IFT88: variants seen among roughly 807,000 people sequenced by gnomAD.
The protein encoded by IFT88 is intraflagellar transport protein 88 homolog.
IFT88 carries 74 observed loss-of-function variants against 119.5 expected under a neutral mutation model. That is an observed-to-expected ratio of 0.62 (90% CI 0.51 to 0.75). The LOEUF (loss-of-function observed/expected upper bound fraction) is 0.75, where lower values mean the gene tolerates loss of function less well. IFT88 is among the 30% of genes least tolerant of loss of function. The probability of loss-of-function intolerance (pLI) is 0.00; values close to 1 mark genes in which losing one functional copy is unlikely to be tolerated. For synonymous variants in IFT88, 279 were observed against 316.7 expected, an observed-to-expected ratio of 0.88 and a Z score of 1.26; for missense variants, 961 against 977.7, an observed-to-expected ratio of 0.98 and a Z score of 0.23.
At chr13:20,640,050 A>G (rs2049638499) in intron 17 of IFT88, among the ~76,000 whole-genome samples, 1 of 151,898 alleles carries the variant, frequency 6.6e-6, no homozygotes, top group South Asian at 2.1e-4. Flanking sequence ...TCAGCCTCCC[A>G]AAGTGATGGG....
chr13:20,567,758 A>G, intron 1 of IFT88: 1 of 1,340,256 alleles, frequency 7.5e-7, no homozygotes, highest in Non-Finnish European at 9.6e-7. Flanking sequence ...TTAGCCTCAC[A>G]AAGATGGAAA....
rs770062711 is a variant in IFT88, at chr13:20,596,203, A to G, written c.452A>G (p.Glu151Gly). 6.4e-7 allele frequency: 1 copy of G among 1,563,816 alleles called. No homozygotes were observed. Among genetic ancestry groups the G allele is most frequent in the South Asian group, 1.2e-5 (1 of 84,630 alleles). The change falls in exon 8 of 26, where the codon GAA becomes GGA. Residue 151 changes from glutamate (E) to glycine (G), a missense_variant. Physicochemically the swap from Glu to Gly is moderately conservative, Grantham distance 98 (BLOSUM62 -2). Coordinates refer to ENST00000351808, the MANE Select transcript of IFT88 (RefSeq NM_006531.5). ...LEKEVNELVE[E>G]SCIANSCGDL... ...AAGGAAGTAAATGAGTTGGTAGAAG[A>G]AAGCTGTATTGCCAATAGTTGTGGA...
chr13:20,623,399 T>C (rs2046826714), intron 14 of IFT88, among the ~76,000 whole-genome samples: 1 of 152,202 alleles, frequency 6.6e-6, no homozygotes, highest in South Asian at 2.1e-4. Flanking sequence ...TAGATTGCTT[T>C]GAGTAGTATT....
rs200057791 is a variant in IFT88, at chr13:20,578,643, G to A, written c.90+4168G>A. Among the ~76,000 whole-genome samples, 23 of 151,700 alleles carry A rather than the reference G, an allele frequency of 1.5e-4. No individual in the cohort carries two copies. The East Asian group carries it at 2.6e-3, about 17-fold the overall frequency. ...CAGCTCACTGCAACCTCTGCTTCCT[G>A]GGTTCAAGTGATTCTCCTGCCTCAG... On this transcript the variant is annotated intron_variant, in intron 2 of 25. Transcript: ENST00000351808.
chr13:20,592,434 G>C lies in IFT88; in HGVS notation c.398+30G>C, dbSNP rs1198493335. The C allele has an allele frequency of 2.0e-6, 3 of 1,493,604 alleles. No homozygotes were observed. The East Asian group carries it at 6.9e-5, about 34-fold the overall frequency. The allele number at this position is 1,493,604 out of a possible 1,614,324, so 92.5% of individuals were successfully genotyped here. ...GTAAGTCCTTATGTTGTTGTTTGTT[G>C]TTGTTGCTGCATATTTTAAATTTTT... On this transcript the variant is annotated intron_variant, in intron 7 of 25. Transcript: ENST00000351808.
chr13:20,614,157 A>G (rs1248915993), intron 13 of IFT88, among the ~76,000 whole-genome samples: 1 of 152,202 alleles, frequency 6.6e-6, no homozygotes, highest in Non-Finnish European at 1.5e-5. Flanking sequence ...TGTTTTTAAA[A>G]TTACACGCCA....
chr13:20,665,203 A>G (rs1028622973), intron 23 of IFT88, among the ~76,000 whole-genome samples: 9 of 152,194 alleles, frequency 5.9e-5, no homozygotes, highest in African/African-American at 1.7e-4. Flanking sequence ...CTGTTTCAAT[A>G]TTTGCCAGTT....
chr13:20,591,692 C>G lies in IFT88; in HGVS notation c.328+11C>G, dbSNP rs1238009911. ...AAGCAGCTTTGAGAGGTTTGTTACA[C>G]TGTCTCTACTAATAATCTTTTTTGG... On this transcript the variant is annotated intron_variant, in intron 6 of 25. Transcript: ENST00000351808. 1.9e-6 allele frequency: 3 copies of G among 1,569,656 alleles called. No homozygotes were observed. In the Admixed American group the frequency reaches 5.1e-5, roughly 27 times the overall value.
intron 2 of IFT88, among the ~76,000 whole-genome samples, chr13:20,582,621 A>G (rs1421880191): frequency 2.0e-5 from 3 of 152,114 alleles, no homozygotes; most frequent in Admixed American, 6.6e-5. Context: ...TAAATCTCCA[A>G]TTCCAAGCCA....
At chr13:20,676,007 G>A (rs572140065) in intron 24 of IFT88, among the ~76,000 whole-genome samples, 1 of 152,148 alleles carries the variant, frequency 6.6e-6, no homozygotes, top group Admixed American at 6.5e-5. Context: ...TTTCATCCTG[G>A]TATACAGCTT....
chr13:20,582,166 C>G, intron 2 of IFT88, among the ~76,000 whole-genome samples: 1 of 151,910 alleles, frequency 6.6e-6, no homozygotes, highest in Admixed American at 6.6e-5. Context: ...GTAGGAAATA[C>G]GGGATGGTTG....
chr13:20,596,423 T>C (rs2041651538), intron 8 of IFT88, among the ~76,000 whole-genome samples, 183 bp downstream of exon 8: 1 of 152,168 alleles, frequency 6.6e-6, no homozygotes, highest in Admixed American at 6.5e-5. Context: ...TCAGAATAAT[T>C]GGCTGGTTTT....
chr13:20,690,602 A>G (rs778871898), intron 24 of IFT88, 103 bp from the exon 25 acceptor site: 7 of 732,814 alleles, frequency 9.6e-6, no homozygotes, highest in African/African-American at 3.5e-5. Context: ...AAATTAAACA[A>G]CCTGCTTGTT....
Position 20,628,695 on chromosome 13 carries a change from A to G in IFT88, c.1300-2321A>G, listed in dbSNP as rs576652461. 2.0e-5 allele frequency among the ~76,000 whole-genome samples: 3 copies of G among 152,288 alleles called. No homozygotes were observed. The South Asian group carries it at 6.2e-4, about 32-fold the overall frequency. ...TAATTATGTAGCCTTTTTAGAATAG[A>G]TCATAGTTTAGAAACGTATAATATG... On this transcript the variant is annotated intron_variant, in intron 15 of 25. Coordinates refer to ENST00000351808, the MANE Select transcript of IFT88 (RefSeq NM_006531.5).
At chr13:20,663,406 G>A (rs1239023926) in intron 22 of IFT88, 92 bp from the exon 23 acceptor site, 1 of 1,558,970 alleles carries the variant, frequency 6.4e-7, no homozygotes. Flanking sequence ...ATTCCTACCT[G>A]TATCCCAAAA....
chr13:20,678,592 G>A (rs1040559515), intron 24 of IFT88, among the ~76,000 whole-genome samples: 1 of 152,190 alleles, frequency 6.6e-6, no homozygotes, highest in Non-Finnish European at 1.5e-5. Context: ...CTCCGGAGGG[G>A]CCAGGTTTTC....
At chr13:20,592,210 A>G (rs2040800942) in intron 6 of IFT88, 125 bp from the exon 7 acceptor site, 1 of 700,908 alleles carries the variant, frequency 1.4e-6, no homozygotes, top group South Asian at 1.8e-5. Flanking sequence ...CATTTAATAA[A>G]TAGATAATTG....
chr13:20,627,124 A>T (rs191191268), intron 15 of IFT88, among the ~76,000 whole-genome samples: 6 of 152,240 alleles, frequency 3.9e-5, no homozygotes, highest in African/African-American at 1.4e-4. Context: ...GTTCCATTGC[A>T]TATGTTAATT....
chr13:20,649,577 C>T (rs1230354159), intron 20 of IFT88, among the ~76,000 whole-genome samples: 2 of 151,880 alleles, frequency 1.3e-5, no homozygotes, highest in Non-Finnish European at 2.9e-5. Flanking sequence ...TAACTAAACA[C>T]CTTAAGGAAT....
Sources: gnomAD v4.1 joint callset for allele counts (sites outside exome capture counted in the v4.1 genomes callset) on GRCh38, gnomAD v4.1.1 for gene constraint, MANE v1.5 for transcripts, NCBI Gene and HGNC (gene_info 2026-07-23, HGNC 2026-07-21) for gene names.